The following DNHD1 variants were observed in gnomAD, a reference collection of about 807,000 sequenced individuals.
DNHD1 encodes the protein dynein heavy chain domain-containing protein 1.
In DNHD1, 383 loss-of-function variants were observed where a neutral mutation model predicts 458.1. The ratio of observed to expected loss-of-function variants is 0.84; its 90% CI spans 0.77 to 0.91. The LOEUF is 0.91. DNHD1 is among the 40% of genes least tolerant of loss of function. DNHD1 has a pLI of 0.00. For missense variants in DNHD1, 5,336 were observed against 5,866.1 expected (o/e 0.91, Z 2.95); for synonymous variants, 2,203 against 2,376.9 (o/e 0.93, Z 2.13).
intron 19 of DNHD1, 103 bp from the exon 20 acceptor site, chr11:6,544,471 T>C (rs1029663955): frequency 1.8e-6 from 2 of 1,088,612 alleles, no homozygotes; most frequent in African/African-American, 1.6e-5. Flanking sequence ...AGTATTTTGC[T>C]TGGGCTGGTG....
chr11:6,562,892 G>A, intron 28 of DNHD1, 90 bp from the exon 29 acceptor site: 5 of 1,426,104 alleles, frequency 3.5e-6, no homozygotes, highest in Non-Finnish European at 3.8e-6. Context: ...CAAGTGAGGA[G>A]TGTGCTACAG....
At chr11:6,534,653 A>C (rs1344217112) in intron 14 of DNHD1, among the ~76,000 whole-genome samples, 1 of 152,226 alleles carries the variant, frequency 6.6e-6, no homozygotes, top group Non-Finnish European at 1.5e-5. Flanking sequence ...AGGCCAGGAC[A>C]GAACTATTGG....
intron 31 of DNHD1, 44 bp downstream of exon 31, chr11:6,564,168 T>G: frequency 1.3e-6 from 2 of 1,532,672 alleles, no homozygotes; most frequent in East Asian, 2.5e-5. Context: ...GTTCCTTTTA[T>G]GCCGTTCGCC....
intron 12 of DNHD1, among the ~76,000 whole-genome samples, chr11:6,530,092 T>A (rs1304441923): frequency 6.6e-6 from 1 of 152,168 alleles, no homozygotes; most frequent in Non-Finnish European, 1.5e-5. Context: ...TATCCGCCCC[T>A]CTTTTTACTA....
Position 6,567,133 on chromosome 11 carries a change from G to A in DNHD1, c.11624G>A (p.Cys3875Tyr), listed in dbSNP as rs370883558. Residue 3875 changes from cysteine (C) to tyrosine (Y), a missense_variant, in exon 36 of 43, where the codon TGT (cysteine) becomes TAT (tyrosine). Physicochemically the swap from Cys to Tyr is radical, Grantham distance 194. This residue lies in a region of DNHD1 where 695 missense variants were observed against 804.2 expected (regional missense o/e 0.86). Transcript: ENST00000254579. ...SQLQNLLPLF[C>Y]MSPENWLAVT... ...CTGCAGAACCTGCTGCCACTTTTCT[G>A]TATGAGCCCAGAGAACTGGCTGGCA... The A allele has an allele frequency of 9.9e-6, 16 of 1,613,926 alleles. No homozygotes were observed. The Admixed American group carries it at 1.2e-4, about 12-fold the overall frequency.
In DNHD1 at chr11:6,545,714, A is replaced by T. The variant is rs1853197636; in HGVS notation, c.4775A>T (p.Gln1592Leu). 6.4e-7 allele frequency: 1 copy of T among 1,551,690 alleles called. No individual in the cohort carries two copies. The highest frequency in any genetic ancestry group is 1.2e-5 in the South Asian group (1 of 84,058). The change falls in exon 21 of 43, where the codon CAG becomes CTG. Residue 1592 changes from glutamine to leucine, a missense_variant. By Grantham distance (113) the Gln-to-Leu change is moderately radical. This residue lies in a region of DNHD1 where 3,932 missense variants were observed against 4,365.6 expected (regional missense o/e 0.90). Transcript: ENST00000254579. This position sits in a 1 kb window ranked among gnomAD's most constrained non-coding sequence, Gnocchi z 4.9. Reference sequence around the variant, plus strand: ...ATAGCACAGCTGCTGGAACAGCACCAGGTCAGTGATCTCACAGACTTTCAC... The same window carrying T: ...ATAGCACAGCTGCTGGAACAGCACCTGGTCAGTGATCTCACAGACTTTCAC... The part of the protein sequence containing the change: ...RDIAQLLEQH[Q>L]VSDLTDFHWV...
chr11:6,531,703 A>G (rs888338936), intron 12 of DNHD1, among the ~76,000 whole-genome samples: 5 of 152,100 alleles, frequency 3.3e-5, no homozygotes, highest in Admixed American at 6.5e-5. Context: ...AGGTCTTAGT[A>G]CCCAGTCATC....
At chr11:6,539,345 G>T in intron 17 of DNHD1, 32 bp downstream of exon 17, 1 of 1,483,920 alleles carries the variant, frequency 6.7e-7, no homozygotes. Context: ...CGAGGGAGGT[G>T]GTCCAAAGCC....
chr11:6,537,546 AAAAAAAAAATAGAAC>A (rs537951841), intron 14 of DNHD1, among the ~76,000 whole-genome samples: 2,299 of 152,146 alleles, frequency 0.015, 59 homozygotes, highest in South Asian at 0.13. Flanking sequence ...TGATAGAGAA[AAAAAAAAAATAGAAC>A]AGAGTAAGAG....
intron 24 of DNHD1, among the ~76,000 whole-genome samples, chr11:6,550,559 G>T (rs928762794): frequency 6.6e-6 from 1 of 152,118 alleles, no homozygotes; most frequent in African/African-American, 2.4e-5. Flanking sequence ...AATGTGACCT[G>T]CTGTCAAGAA....
At chr11:6,566,217 G>A in intron 33 of DNHD1, 24 bp from the exon 34 acceptor site, 1 of 1,549,044 alleles carries the variant, frequency 6.5e-7, no homozygotes, top group Non-Finnish European at 8.7e-7. Context: ...TTGTGGGTAG[G>A]GTGCCTTTGC....
intron 25 of DNHD1, 86 bp downstream of exon 25, chr11:6,558,383 T>A: frequency 6.5e-7 from 1 of 1,533,338 alleles, no homozygotes; most frequent in Non-Finnish European, 8.8e-7. Context: ...TGGGCTGCCA[T>A]GAGGGCTGAG....
In DNHD1 at chr11:6,564,402, G is replaced by C; in HGVS notation, c.10354G>C (p.Gly3452Arg). 6.4e-6 allele frequency: 10 copies of C among 1,551,558 alleles called. No homozygotes were observed. The highest frequency in any genetic ancestry group is 7.8e-6 in the Non-Finnish European group (9 of 1,146,922). Residue 3452 changes from glycine (G) to arginine (R), a missense_variant, in exon 32 of 43, where the codon GGT becomes CGT. By Grantham distance (125) the Gly-to-Arg change is moderately radical. This residue lies in a region of DNHD1 where 3,932 missense variants were observed against 4,365.6 expected (regional missense o/e 0.90). Coordinates refer to ENST00000254579, the MANE Select transcript of DNHD1 (RefSeq NM_144666.3). ...LLCSAAIIYLGPFPPLRRQEL... is the reference protein window; with the variant it reads ...LLCSAAIIYLRPFPPLRRQEL... ...ATGTTCAGCTGCCATCATCTACCTG[G>C]GTCCCTTCCCACCATTGCGGCGCCA...
rs1399209578 is a variant in DNHD1 at position 6,505,387 on chromosome 11, T to C, written c.920+2461T>C. ...CCTGCCACAGCCTCCCAAGTAGCTT[T>C]GATTACAGGCACTTGCTAATATGAC... On this transcript the variant is annotated intron_variant, in intron 4 of 42. Coordinates refer to ENST00000254579, the MANE Select transcript of DNHD1 (RefSeq NM_144666.3). This position sits in a 1 kb window ranked among gnomAD's most constrained non-coding sequence, Gnocchi z 4.4. Among the ~76,000 whole-genome samples the C allele has an allele frequency of 2.6e-5, 4 of 151,980 alleles. No individual in the cohort carries two copies.
In DNHD1 at chr11:6,567,308, G is replaced by C; in HGVS notation, c.11799G>C (p.Leu3933Phe). The part of the protein sequence containing the change: ...VTALGLTQVP[L>F]VGALGALALL... ...CACTGGGCCTTACCCAAGTACCCTT[G>C]GTGGGTGCATTGGGCGCTTTGGCTC... is the stretch of plus-strand genomic sequence containing the variant. Residue 3933 changes from leucine (L) to phenylalanine (F), a missense_variant, in exon 36 of 43, where the codon TTG becomes TTC. Around this residue, in one of 4 missense-constraint regions of DNHD1, gnomAD observed 695 missense variants for 804.2 expected, o/e 0.86. Transcript: ENST00000254579. 6.2e-7 allele frequency: 1 copy of C among 1,614,076 alleles called. No homozygotes were observed. Among genetic ancestry groups the C allele is most frequent in the Non-Finnish European group, 8.5e-7 (1 of 1,179,914 alleles).
chr11:6,558,377 C>G (rs1853515028), intron 25 of DNHD1, 80 bp downstream of exon 25: 2 of 1,530,976 alleles, frequency 1.3e-6, no homozygotes, highest in Non-Finnish European at 1.8e-6. Context: ...ATTCTGTGGG[C>G]TGCCATGAGG....
chr11:6,571,368 C>G lies in DNHD1; in HGVS notation c.13856C>G (p.Ser4619Cys), dbSNP rs188130229. 2.5e-6 allele frequency: 4 copies of G among 1,612,060 alleles called. No homozygotes were observed. The Admixed American group carries it at 6.7e-5, about 27-fold the overall frequency. Reference sequence around the variant, plus strand: ...TTCCCTGGTAGCCGAGGCTCGGTCTCCAGTCAGCTCCAGTATAAACGTCTG... The same window carrying G: ...TTCCCTGGTAGCCGAGGCTCGGTCTGCAGTCAGCTCCAGTATAAACGTCTG... ...SNFPGSRGSVSSQLQYKRLEM... is the reference protein window; with the variant it reads ...SNFPGSRGSVCSQLQYKRLEM... The change falls in exon 42 of 43, where the codon TCC becomes TGC. Residue 4619 changes from serine to cysteine, a missense_variant. Coordinates refer to ENST00000254579, the MANE Select transcript of DNHD1 (RefSeq NM_144666.3). This position sits in a 1 kb window ranked among gnomAD's most constrained non-coding sequence, Gnocchi z 5.0.
At position 6,571,124 on chromosome 11, in the gene DNHD1, C is replaced by T. The variant is rs754601076; in HGVS notation, c.13612C>T (p.Arg4538Ter). 2 of 1,599,408 alleles carry T rather than the reference C, an allele frequency of 1.3e-6. No individual in the cohort carries two copies. Among genetic ancestry groups the T allele is most frequent in the Non-Finnish European group, 1.7e-6 (2 of 1,174,694 alleles). The change falls in exon 42 of 43, where the codon CGA becomes TGA. Residue 4538 changes from arginine to a stop codon, truncating the protein, a stop_gained. Transcript: ENST00000254579. LOFTEE classifies it high-confidence loss of function. This position sits in a 1 kb window ranked among gnomAD's most constrained non-coding sequence, Gnocchi z 5.0. ...LWTGRLPLPWRPHAPAGPQPP... is the reference protein window; with the variant it reads ...LWTGRLPLPW ...GACTGGCCGCCTACCCTTGCCTTGGCGACCTCATGCGCCGGCCGGTCCGCA... is the reference window on the plus strand; with the variant it reads ...GACTGGCCGCCTACCCTTGCCTTGGTGACCTCATGCGCCGGCCGGTCCGCA...
chr11:6,564,870 G>A, intron 32 of DNHD1, 66 bp downstream of exon 32: 1 of 1,308,604 alleles, frequency 7.6e-7, no homozygotes, highest in Non-Finnish European at 1.0e-6. Flanking sequence ...AGCCTCATGT[G>A]GTCTTTCCCT....
Sources: gnomAD v4.1 joint callset for allele counts (sites outside exome capture counted in the v4.1 genomes callset) on GRCh38, gnomAD v4.1.1 for gene constraint, gnomAD v4.1.1 regional missense constraint, Gnocchi (gnomAD v3.1) non-coding constraint, MANE v1.5 for transcripts, NCBI Gene and HGNC (gene_info 2026-07-23, HGNC 2026-07-21) for gene names.